Variants in ADD2 observed in about 807,000 individuals in gnomAD.
ADD2 encodes the protein adducin 2, also known as beta-adducin.
A neutral mutation model predicts 83.0 loss-of-function variants in ADD2; 23 were observed. The ratio of observed to expected loss-of-function variants is 0.28; its 90% confidence interval spans 0.20 to 0.39. The LOEUF is 0.39. Ranked by LOEUF, ADD2 falls within the 10% of genes least tolerant of loss-of-function variation. The pLI is 1.00. For synonymous variants in ADD2, 375 were observed against 375.4 expected, an observed-to-expected ratio of 1.00 and a Z score of 0.01; for missense variants, 758 against 944.9, an observed-to-expected ratio of 0.80 and a Z score of 2.59.
chr2:70,710,172 T>C (rs1553375239), intron 2 of ADD2, among the ~76,000 whole-genome samples: 2 of 152,202 alleles, frequency 1.3e-5, no homozygotes, highest in Non-Finnish European at 2.9e-5. Flanking sequence ...GATGTGAGCA[T>C]AGGCATGTGA....
chr2:70,714,493 G>A (rs1672361974), intron 1 of ADD2, among the ~76,000 whole-genome samples: 2 of 152,334 alleles, frequency 1.3e-5, no homozygotes, highest in South Asian at 4.1e-4. Flanking sequence ...ATCCAGCCAG[G>A]GGGCCTGGGG....
chr2:70,657,654 AAAAGGGGAGATCTGGCCTT>A lies in ADD2; in HGVS notation c.*5752_*5770del, dbSNP rs1194827145. 6.6e-6 allele frequency: 1 copy of A among 152,144 alleles called. No homozygotes were observed. Among genetic ancestry groups the A allele is most frequent in the Non-Finnish European group, 1.5e-5 (1 of 68,030 alleles). 9.4% of individuals were successfully genotyped at this position (152,144 alleles called of 1,614,324 possible). A position where few individuals can be genotyped will look rare whatever the true frequency, so the allele number is the denominator to read the frequency against. On this transcript the variant is annotated 3_prime_UTR_variant, in exon 16 of 16. Coordinates refer to ENST00000264436, the MANE Select transcript of ADD2 (RefSeq NM_001617.4). ...TGCCATCCTCCTTCTGATTCACGTTAAAAGGGGAGATCTGGCCTTTGGGTTTTTAAACATTATACAAGAT... is the reference window on the plus strand; with the variant it reads ...TGCCATCCTCCTTCTGATTCACGTTATGGGTTTTTAAACATTATACAAGAT...
chr2:70,670,671 A>C (rs1669858189), intron 15 of ADD2, among the ~76,000 whole-genome samples: 1 of 152,108 alleles, frequency 6.6e-6, no homozygotes, highest in African/African-American at 2.4e-5. Flanking sequence ...TGGTTGGAAA[A>C]AGCCATCCCT....
intron 8 of ADD2, among the ~76,000 whole-genome samples, chr2:70,689,086 A>G (rs1670892380): frequency 1.4e-5 from 2 of 145,794 alleles, no homozygotes; most frequent in Non-Finnish European, 3.0e-5. Context: ...ACAGAGCAAG[A>G]CTCCGTCTCA....
intron 1 of ADD2, among the ~76,000 whole-genome samples, chr2:70,727,611 T>C (rs1380986230): frequency 1.3e-5 from 2 of 152,102 alleles, no homozygotes; most frequent in African/African-American, 4.8e-5. Flanking sequence ...GAATGCAGAA[T>C]TGGCCAGGCG....
chr2:70,733,506 T>C (rs1418536200), intron 1 of ADD2, among the ~76,000 whole-genome samples: 1 of 152,230 alleles, frequency 6.6e-6, no homozygotes, highest in African/African-American at 2.4e-5. Flanking sequence ...CATCAGCTTA[T>C]CAAGCGCTGA....
intron 4 of ADD2, among the ~76,000 whole-genome samples, chr2:70,698,030 G>A (rs570293734): frequency 6.6e-6 from 1 of 152,224 alleles, no homozygotes; most frequent in Non-Finnish European, 1.5e-5. Context: ...AAATTGACCA[G>A]TTTGGGATTG....
rs893871253 is a variant in ADD2, at chr2:70,662,622, G to A, written c.*803C>T. On this transcript the variant is annotated 3_prime_UTR_variant, in exon 16 of 16. Coordinates refer to ENST00000264436, the MANE Select transcript of ADD2 (RefSeq NM_001617.4). ...TTCAACTTCCCCAAATTTCTGCCCT[G>A]AGCATTAAACAACTTTTTCCTATGC... 7 of 152,204 alleles carry A rather than the reference G, an allele frequency of 4.6e-5. No individual in the cohort carries two copies. Among genetic ancestry groups the A allele is most frequent in the African/African-American group, 1.4e-4 (6 of 41,444 alleles). The allele number at this position is 152,204 out of a possible 1,614,324, so 9.4% of individuals were successfully genotyped here.
chr2:70,679,165 C>T (rs1438744763), intron 10 of ADD2, among the ~76,000 whole-genome samples: 3 of 152,198 alleles, frequency 2.0e-5, no homozygotes, highest in Non-Finnish European at 2.9e-5. Context: ...CTCTCTTTCT[C>T]TACCCCAACA....
At chr2:70,704,238 T>G in intron 4 of ADD2, 83 bp downstream of exon 4, 2 of 1,470,672 alleles carry the variant, frequency 1.4e-6, no homozygotes, top group Non-Finnish European at 1.8e-6. Flanking sequence ...GGCAACCAGA[T>G]GCTTCTTGCT....
intron 1 of ADD2, among the ~76,000 whole-genome samples, chr2:70,758,563 T>G (rs1574331421): frequency 6.6e-6 from 1 of 151,644 alleles, no homozygotes; most frequent in African/African-American, 2.4e-5. Context: ...ATCCGGAGGG[T>G]AGAGAAATGA....
chr2:70,697,268 C>T (rs933398415), intron 4 of ADD2, among the ~76,000 whole-genome samples: 5 of 152,244 alleles, frequency 3.3e-5, no homozygotes, highest in African/African-American at 1.2e-4. Flanking sequence ...CCAGAGGCCT[C>T]AGGCAGGGTA....
intron 15 of ADD2, among the ~76,000 whole-genome samples, chr2:70,671,929 G>C (rs188954018): frequency 2.0e-5 from 3 of 152,304 alleles, no homozygotes; most frequent in Non-Finnish European, 1.5e-5. Context: ...ACCTGGGATG[G>C]AGTGTGCATG....
Position 70,676,240 on chromosome 2 carries a change from TCAAG to T in ADD2, c.1593+552_1593+555del. On this transcript the variant is annotated intron_variant, in intron 13 of 15. Transcript: ENST00000264436. This position sits in a 1 kb window ranked among gnomAD's most constrained non-coding sequence, Gnocchi z 4.8. ...GCACTAGACAAAACACTGTTCTATC[TCAAG>T]CACAAAAACAATTACAATACTTTCT... 1.0e-6 allele frequency: 1 copy of T among 987,864 alleles called. No individual in the cohort carries two copies. Among genetic ancestry groups the T allele is most frequent in the Non-Finnish European group, 1.2e-6 (1 of 831,686 alleles). 61.2% of individuals were successfully genotyped at this position (987,864 alleles called of 1,614,324 possible).
Position 70,673,542 on chromosome 2 carries a change from T to C in ADD2, c.1742-536A>G, listed in dbSNP as rs529503934. ...GGATAAAAAGTGCCATGTTCCTCTA[T>C]TTGCTTTTCAATTGGCACATTAGAG... On this transcript the variant is annotated intron_variant, in intron 14 of 15. Coordinates refer to ENST00000264436, the MANE Select transcript of ADD2 (RefSeq NM_001617.4). 6.6e-5 allele frequency among the ~76,000 whole-genome samples: 10 copies of C among 152,366 alleles called. No individual in the cohort carries two copies. In the South Asian group the frequency reaches 2.1e-3, roughly 32 times the overall value.
At chr2:70,677,711 C>G (rs377431981) in intron 12 of ADD2, 47 bp downstream of exon 12, 9 of 1,599,472 alleles carry the variant, frequency 5.6e-6, no homozygotes, top group Non-Finnish European at 6.8e-6. Flanking sequence ...GACCTGAGAC[C>G]CCCCAGTGTG....
At chr2:70,686,441 T>G (rs1670731444) in intron 9 of ADD2, among the ~76,000 whole-genome samples, 1 of 152,126 alleles carries the variant, frequency 6.6e-6, no homozygotes, top group African/African-American at 2.4e-5. Flanking sequence ...GCTCTGCCCT[T>G]GAAACTGCCC....
intron 9 of ADD2, 75 bp from the exon 10 acceptor site, chr2:70,683,842 A>G: frequency 6.7e-7 from 1 of 1,490,234 alleles, no homozygotes; most frequent in Non-Finnish European, 9.0e-7. Context: ...CCTGTATGTG[A>G]TGAGAGAATG....
intron 1 of ADD2, among the ~76,000 whole-genome samples, chr2:70,734,883 A>C (rs1673451156): frequency 6.6e-6 from 1 of 152,324 alleles, no homozygotes; most frequent in South Asian, 2.1e-4. Context: ...TGAGAGATCA[A>C]GTTCTGGCCC....
Sources: allele counts gnomAD v4.1 joint callset (sites outside exome capture counted in the v4.1 genomes callset), GRCh38; gene constraint gnomAD v4.1.1; non-coding constraint Gnocchi (gnomAD v3.1); transcripts MANE v1.5; gene names NCBI Gene and HGNC (gene_info 2026-07-23, HGNC 2026-07-21).